CTNNA1: variants seen among roughly 807,000 people sequenced by gnomAD.
CTNNA1 encodes catenin alpha 1, also known as catenin alpha-1.
CTNNA1 carries 37 observed loss-of-function variants against 98.4 expected under a neutral mutation model. The ratio of observed to expected loss-of-function variants is 0.38; its 90% confidence interval spans 0.29 to 0.49. The LOEUF (loss-of-function observed/expected upper bound fraction) is 0.49, where lower values mean the gene tolerates loss of function less well. Among genes scored for constraint, CTNNA1 ranks in the 20% least tolerant of loss-of-function variants. The probability of loss-of-function intolerance (pLI) is 0.95; values close to 1 mark genes in which losing one functional copy is unlikely to be tolerated. For synonymous variants in CTNNA1, 404 were observed against 413.2 expected, an observed-to-expected ratio of 0.98 and a Z score of 0.27; for missense variants, 761 against 1,147.2, an observed-to-expected ratio of 0.66 and a Z score of 4.86.
intron 3 of CTNNA1, among the ~76,000 whole-genome samples, chr5:138,806,092 C>A (rs1009115152): frequency 6.6e-6 from 1 of 152,150 alleles, no homozygotes; most frequent in Non-Finnish European, 1.5e-5. Flanking sequence ...CAACTTAATT[C>A]TTTTGCATAT....
At chr5:138,755,406 A>G (rs1380157745) in intron 1 of CTNNA1, among the ~76,000 whole-genome samples, 2 of 152,060 alleles carry the variant, frequency 1.3e-5, no homozygotes, top group Non-Finnish European at 2.9e-5. Flanking sequence ...GAATTGTGAT[A>G]TCACTCTCCT....
intron 7 of CTNNA1, among the ~76,000 whole-genome samples, chr5:138,844,531 A>G (rs901790527): frequency 3.9e-5 from 6 of 152,042 alleles, no homozygotes; most frequent in Non-Finnish European, 5.9e-5. Flanking sequence ...CTGTAACACT[A>G]TTTTGTTGGC....
chr5:138,783,880 A>G (rs762727940), intron 3 of CTNNA1, among the ~76,000 whole-genome samples: 2 of 152,248 alleles, frequency 1.3e-5, no homozygotes, highest in Non-Finnish European at 2.9e-5. Context: ...TCAGCCATGC[A>G]TATTTGAACT....
intron 7 of CTNNA1, among the ~76,000 whole-genome samples, chr5:138,881,889 A>G (rs1752977285): frequency 6.6e-6 from 1 of 152,188 alleles, no homozygotes; most frequent in Non-Finnish European, 1.5e-5. Flanking sequence ...GGGTTAAAAC[A>G]CTGTATTTCA....
chr5:138,858,594 CTTTTTTT>C (rs147487025), intron 7 of CTNNA1, among the ~76,000 whole-genome samples: 2 of 124,048 alleles, frequency 1.6e-5, no homozygotes, highest in Admixed American at 8.4e-5. Flanking sequence ...TTTTCTTTTT[CTTTTTTT>C]TTTTTTTTTT....
intron 1 of CTNNA1, among the ~76,000 whole-genome samples, chr5:138,758,471 G>A (rs541220065): frequency 5.8e-4 from 88 of 152,274 alleles, no homozygotes; most frequent in South Asian, 5.6e-3. Context: ...TCTGCCTCCC[G>A]TGTTCAAGTG....
intron 3 of CTNNA1, among the ~76,000 whole-genome samples, chr5:138,785,390 A>G (rs558613486): frequency 6.6e-6 from 1 of 152,196 alleles, no homozygotes; most frequent in Admixed American, 6.5e-5. Flanking sequence ...TTAATGGTCC[A>G]GTTCAGGACA....
At chr5:138,908,528 G>T (rs541592171) in intron 10 of CTNNA1, among the ~76,000 whole-genome samples, 2 of 152,228 alleles carry the variant, frequency 1.3e-5, no homozygotes, top group Non-Finnish European at 2.9e-5. Flanking sequence ...GGCTGGGCAT[G>T]ATGGCGTGCA....
rs1355973277 is a variant in CTNNA1 at position 138,934,089 on chromosome 5, A to G, written c.2721A>G (p.Ter907=). 1 of 1,609,420 alleles carries G rather than the reference A, an allele frequency of 6.2e-7. No homozygotes were observed. The highest frequency in any genetic ancestry group is 2.2e-5 in the East Asian group (1 of 44,822). Residue 907 remains the stop codon, a stop_retained_variant, in exon 18 of 18, where the codon TAA becomes TAG. Coordinates refer to ENST00000302763, the MANE Select transcript of CTNNA1 (RefSeq NM_001903.5). ...AGTTCAAAGCTATGGACAGCATCTA[A>G]GTCTGCCCAGGCCGGCCGCCCCCAC... ...LSEFKAMDSI[*]
intron 10 of CTNNA1, among the ~76,000 whole-genome samples, chr5:138,905,802 G>T (rs1191605388): frequency 6.6e-6 from 1 of 152,216 alleles, no homozygotes; most frequent in South Asian, 2.1e-4. Context: ...TATAAGTGAT[G>T]ATTCAGTAGA....
intron 3 of CTNNA1, among the ~76,000 whole-genome samples, chr5:138,804,333 T>G (rs909123112): frequency 6.6e-6 from 1 of 150,674 alleles, no homozygotes; most frequent in Admixed American, 6.7e-5. Context: ...ATACATAAAA[T>G]TCATCATTTT....
At chr5:138,904,574 A>G in intron 10 of CTNNA1, 133 bp downstream of exon 10, 2 of 1,108,020 alleles carry the variant, frequency 1.8e-6, no homozygotes, top group Non-Finnish European at 2.5e-6. Context: ...GATCACTGAC[A>G]CAGAACCCAC....
chr5:138,823,231 C>T (rs1260049678), intron 5 of CTNNA1, among the ~76,000 whole-genome samples: 2 of 152,108 alleles, frequency 1.3e-5, no homozygotes, highest in Non-Finnish European at 2.9e-5. Context: ...TACCCGCTTC[C>T]CATTCCCATC....
Position 138,824,603 on chromosome 5 carries a change from T to C in CTNNA1, c.662T>C (p.Leu221Pro), listed in dbSNP as rs1760449063. The change falls in exon 6 of 18, where the codon CTC becomes CCC. Residue 221 changes from leucine (L) to proline (P), a missense_variant. By Grantham distance (98) the Leu-to-Pro change is moderately conservative (BLOSUM62 -3). Coordinates refer to ENST00000302763, the MANE Select transcript of CTNNA1 (RefSeq NM_001903.5). ...ATCCTGCAGAAGAACGTTCCGATCC[T>C]CTATACTGCATCCCAGGCATGCCTA... ...RGILQKNVPI[L>P]YTASQACLQH... The C allele has an allele frequency of 6.2e-7, 1 of 1,614,108 alleles. No homozygotes were observed. The highest frequency in any genetic ancestry group is 2.2e-5 in the East Asian group (1 of 44,904).
At chr5:138,796,148 A>T (rs1229586998) in intron 3 of CTNNA1, among the ~76,000 whole-genome samples, 1 of 152,220 alleles carries the variant, frequency 6.6e-6, no homozygotes, top group East Asian at 1.9e-4. Context: ...ACTTCTCTTT[A>T]ATACTGTTAT....
chr5:138,824,701 G>A lies in CTNNA1; in HGVS notation c.760G>A (p.Gly254Ser), dbSNP rs2149776297. The change falls in exon 6 of 18, where the codon GGC (glycine) becomes AGC (serine). Residue 254 changes from glycine (G) to serine (S), a missense_variant. Transcript: ENST00000302763. Reference sequence around the variant, plus strand: ...CAAGCAGCTGCAGCAGGCGGTCACAGGCATTTCCAATGCAGCCCAGGCCAC... The same window carrying A: ...CAAGCAGCTGCAGCAGGCGGTCACAAGCATTTCCAATGCAGCCCAGGCCAC... ...IYKQLQQAVT[G>S]ISNAAQATAS... The A allele has an allele frequency of 1.2e-6, 2 of 1,614,210 alleles. No individual in the cohort carries two copies. The highest frequency in any genetic ancestry group is 2.2e-5 in the South Asian group (2 of 91,086).
At chr5:138,762,685 T>C (rs1183096305) in intron 1 of CTNNA1, among the ~76,000 whole-genome samples, 1 of 152,038 alleles carries the variant, frequency 6.6e-6, no homozygotes, top group East Asian at 1.9e-4. Flanking sequence ...ATGCATGTAA[T>C]GTAAATACAG....
At chr5:138,848,747 T>C (rs1162807544) in intron 7 of CTNNA1, among the ~76,000 whole-genome samples, 1 of 152,054 alleles carries the variant, frequency 6.6e-6, no homozygotes, top group Non-Finnish European at 1.5e-5. Context: ...TTTTTTGAGA[T>C]AGAGTCTCTC....
intron 7 of CTNNA1, among the ~76,000 whole-genome samples, chr5:138,845,854 T>A (rs1762669091): frequency 6.6e-6 from 1 of 152,194 alleles, no homozygotes; most frequent in Admixed American, 6.5e-5. Context: ...CTTAACAGTT[T>A]AGCACTTAAA....
Sources: gnomAD v4.1 joint callset for allele counts (sites outside exome capture counted in the v4.1 genomes callset) on GRCh38, gnomAD v4.1.1 for gene constraint, MANE v1.5 for transcripts, NCBI Gene and HGNC (gene_info 2026-07-23, HGNC 2026-07-21) for gene names.